ASH2L: variants seen among roughly 807,000 people sequenced by gnomAD.
ASH2L encodes ASH2 like, histone lysine methyltransferase complex subunit.
A neutral mutation model predicts 81.1 loss-of-function variants in ASH2L; 30 were observed. The ratio of observed to expected loss-of-function variants is 0.37; its 90% CI spans 0.28 to 0.50. The LOEUF (loss-of-function observed/expected upper bound fraction) is 0.50, where lower values mean the gene tolerates loss of function less well. Among genes scored for constraint, ASH2L ranks in the 20% least tolerant of loss-of-function variants. The pLI is 0.95. For missense variants in ASH2L, 559 were observed against 792.1 expected, an observed-to-expected ratio of 0.71 and a Z score of 3.53; for synonymous variants, 273 against 279.9, an observed-to-expected ratio of 0.98 and a Z score of 0.24.
chr8:38,117,274 T>C (rs918367415), intron 8 of ASH2L, among the ~76,000 whole-genome samples: 2 of 152,362 alleles, frequency 1.3e-5, no homozygotes, highest in East Asian at 3.9e-4. Flanking sequence ...TCATCTGATA[T>C]ATGGGATCAT....
At chr8:38,107,530 CA>C (rs1256450434) in intron 3 of ASH2L, among the ~76,000 whole-genome samples, 2 of 152,112 alleles carry the variant, frequency 1.3e-5, no homozygotes, top group Non-Finnish European at 2.9e-5. Flanking sequence ...GCCTGTTGTC[CA>C]AAATTTGAGA....
intron 3 of ASH2L, among the ~76,000 whole-genome samples, chr8:38,109,540 G>GTGC (rs1204260738): frequency 1.3e-5 from 2 of 152,134 alleles, no homozygotes; most frequent in African/African-American, 4.8e-5. Flanking sequence ...CTGTCATCTT[G>GTGC]TGCAATCACT....
intron 10 of ASH2L, among the ~76,000 whole-genome samples, chr8:38,125,923 G>A (rs1331643554): frequency 6.6e-6 from 1 of 152,126 alleles, no homozygotes; most frequent in Non-Finnish European, 1.5e-5. Flanking sequence ...GAAACGCCAG[G>A]CCGGGCATGG....
chr8:38,115,903 T>G (rs1414216515), intron 7 of ASH2L, among the ~76,000 whole-genome samples: 1 of 152,164 alleles, frequency 6.6e-6, no homozygotes, highest in South Asian at 2.1e-4. Context: ...ACACCCAAGT[T>G]TGGGACTCTG....
intron 8 of ASH2L, 58 bp from the exon 9 acceptor site, chr8:38,119,212 G>C: frequency 6.9e-7 from 1 of 1,454,282 alleles, no homozygotes; most frequent in Non-Finnish European, 9.4e-7. Context: ...TGGAATTTCA[G>C]TATCCACATG....
At chr8:38,109,873 T>G (rs577590558) in intron 3 of ASH2L, among the ~76,000 whole-genome samples, 41 of 152,194 alleles carry the variant, frequency 2.7e-4, no homozygotes, top group Non-Finnish European at 4.9e-4. Flanking sequence ...TTTTAGGTAC[T>G]CAAAAAATAA....
chr8:38,128,125 G>A (rs1367118542), intron 10 of ASH2L, among the ~76,000 whole-genome samples, 166 bp from the exon 11 acceptor site: 1 of 151,646 alleles, frequency 6.6e-6, no homozygotes, highest in Non-Finnish European at 1.5e-5. Context: ...CTCATTCCTT[G>A]CCAGTATCTT....
intron 7 of ASH2L, among the ~76,000 whole-genome samples, chr8:38,115,364 T>C (rs1331849860): frequency 2.0e-5 from 3 of 152,238 alleles, no homozygotes; most frequent in Non-Finnish European, 1.5e-5. Context: ...AAAGAATTTG[T>C]TTTGAAGAAT....
At chr8:38,135,860 A>G (rs980971609) in intron 14 of ASH2L, 94 bp downstream of exon 14, 18 of 938,696 alleles carry the variant, frequency 1.9e-5, no homozygotes, top group African/African-American at 1.8e-4. Flanking sequence ...ACGAAATCCA[A>G]GCAGCCTCAG....
chr8:38,130,451 T>A (rs1802013123), intron 12 of ASH2L, among the ~76,000 whole-genome samples: 1 of 151,902 alleles, frequency 6.6e-6, no homozygotes. Context: ...AAGTCTGATT[T>A]ATCAAATTTT....
intron 3 of ASH2L, 88 bp downstream of exon 3, chr8:38,107,254 CA>C (rs1563249019): frequency 3.3e-6 from 5 of 1,531,830 alleles, no homozygotes. Context: ...AAAATAAATG[CA>C]AAGTATTTCC....
chr8:38,128,995 G>A, intron 12 of ASH2L, 44 bp downstream of exon 12: 2 of 1,586,752 alleles, frequency 1.3e-6, no homozygotes, highest in Non-Finnish European at 1.7e-6. Context: ...TTGAAGGCCT[G>A]TGGCAGCCAG....
chr8:38,120,101 G>A (rs1334689252), intron 9 of ASH2L, among the ~76,000 whole-genome samples: 2 of 152,164 alleles, frequency 1.3e-5, no homozygotes, highest in Non-Finnish European at 2.9e-5. Flanking sequence ...CTCCAGCCTG[G>A]GCCACGAGAA....
At chr8:38,114,053 T>C in intron 5 of ASH2L, 139 bp from the exon 6 acceptor site, 1 of 564,812 alleles carries the variant, frequency 1.8e-6, no homozygotes, top group Non-Finnish European at 3.1e-6. Flanking sequence ...ATGTAAACCT[T>C]GTATAACACC....
intron 1 of ASH2L, chr8:38,106,175 G>T (rs1341157220): frequency 6.6e-7 from 1 of 1,526,286 alleles, no homozygotes; most frequent in Non-Finnish European, 8.8e-7. Flanking sequence ...AGGCTTCCCT[G>T]TGCTCCGTGG....
chr8:38,106,308 C>T, intron 1 of ASH2L, 70 bp from the exon 2 acceptor site: 3 of 1,500,978 alleles, frequency 2.0e-6, no homozygotes, highest in East Asian at 2.3e-5. Flanking sequence ...ATTTGATCAT[C>T]ATTTTTGGGA....
intron 10 of ASH2L, among the ~76,000 whole-genome samples, chr8:38,126,045 A>G (rs1226728430): frequency 6.6e-6 from 1 of 152,024 alleles, no homozygotes; most frequent in Admixed American, 6.6e-5. Context: ...CCCTACAGAA[A>G]TAGAAAAATT....
chr8:38,138,903 T>C (rs1200021790), intron 15 of ASH2L, 28 bp downstream of exon 15: 4 of 1,613,730 alleles, frequency 2.5e-6, no homozygotes, highest in Admixed American at 1.7e-5. Flanking sequence ...TGGCTGCATG[T>C]GTCCTCAGCA....
At chr8:38,128,246 A>C (rs1801931413) in intron 10 of ASH2L, 45 bp from the exon 11 acceptor site, 1 of 1,608,396 alleles carries the variant, frequency 6.2e-7, no homozygotes, top group Non-Finnish European at 8.5e-7. Context: ...GTCCCCAAGA[A>C]CCTCAAATAA....
Sources: gnomAD v4.1 joint callset for allele counts (sites outside exome capture counted in the v4.1 genomes callset) on GRCh38, gnomAD v4.1.1 for gene constraint, MANE v1.5 for transcripts, NCBI Gene and HGNC (gene_info 2026-07-23, HGNC 2026-07-21) for gene names.